SRP72: variants seen among roughly 807,000 people sequenced by gnomAD.
SRP72 encodes the protein signal recognition particle subunit SRP72.
Under a neutral mutation model 96.3 loss-of-function variants are expected in SRP72, and 49 were observed. That is an observed-to-expected ratio of 0.51 (90% CI 0.40 to 0.65). The LOEUF (loss-of-function observed/expected upper bound fraction) is 0.65. Among genes scored for constraint, SRP72 ranks in the 30% least tolerant of loss-of-function variants. The pLI, the probability that SRP72 is intolerant of heterozygous loss-of-function variation, is 0.00. For synonymous variants in SRP72, 267 were observed against 275.2 expected, an observed-to-expected ratio of 0.97 and a Z score of 0.30; for missense variants, 736 against 793.3, an observed-to-expected ratio of 0.93 and a Z score of 0.87.
Position 56,491,505 on chromosome 4 carries a change from G to A in SRP72, c.1577G>A (p.Gly526Asp). The change falls in exon 16 of 19, where the codon GGT becomes GAT. Residue 526 changes from glycine to aspartate, a missense_variant. Physicochemically the swap from Gly to Asp is moderately conservative, Grantham distance 94. Transcript: ENST00000642900. ...VDVEALENSA[G>D]ATYIRKKGGK... Reference sequence around the variant, plus strand: ...GTTGAGGCTCTTGAAAATTCTGCTGGTGCTACATACATTCGGAAGAAGGGT... The same window carrying A: ...GTTGAGGCTCTTGAAAATTCTGCTGATGCTACATACATTCGGAAGAAGGGT... 1.9e-6 allele frequency: 3 copies of A among 1,613,908 alleles called. No homozygotes were observed. Among genetic ancestry groups the A allele is most frequent in the Non-Finnish European group, 2.5e-6 (3 of 1,179,900 alleles).
intron 8 of SRP72, among the ~76,000 whole-genome samples, chr4:56,480,407 G>A (rs1035499211): frequency 3.9e-5 from 6 of 152,006 alleles, no homozygotes; most frequent in South Asian, 2.1e-4. Context: ...CTACAGTCAC[G>A]TGCCACCACA....
chr4:56,503,027 A>G lies in SRP72; in HGVS notation c.*1166A>G, dbSNP rs1266912070. 3.3e-5 allele frequency: 5 copies of G among 152,174 alleles called. No homozygotes were observed. Among genetic ancestry groups the G allele is most frequent in the African/African-American group, 4.8e-5 (2 of 41,450 alleles). The allele number at this position is 152,174 out of a possible 1,614,324, so 9.4% of individuals were successfully genotyped here. On this transcript the variant is annotated 3_prime_UTR_variant, in exon 19 of 19. Coordinates refer to ENST00000642900, the MANE Select transcript of SRP72 (RefSeq NM_006947.4). The stretch of plus-strand genomic sequence containing the variant: ...CAAGATATCATTTAATTTAGACTTA[A>G]CAAGTATTTCCTTGTGATTATATTA...
chr4:56,487,472 C>T (rs529673980), intron 11 of SRP72, among the ~76,000 whole-genome samples: 2 of 152,034 alleles, frequency 1.3e-5, no homozygotes, highest in African/African-American at 4.8e-5. Flanking sequence ...GACAATCTGT[C>T]ATGGTTTTTT....
rs546831765 is a variant in SRP72 at position 56,493,261 on chromosome 4, C to G, written c.1640+1693C>G. Among the ~76,000 whole-genome samples, 4 of 152,050 alleles carry G rather than the reference C, an allele frequency of 2.6e-5. No individual in the cohort carries two copies. In the East Asian group the frequency reaches 5.9e-4, roughly 23 times the overall value. On this transcript the variant is annotated intron_variant, in intron 16 of 18. Transcript: ENST00000642900. The stretch of plus-strand genomic sequence containing the variant: ...ATGTCGATCAGGCTGGTCTTGAACT[C>G]CTGACCTCAGGTGATCCACCCGCCT...
rs1720337714 is a variant in SRP72 at position 56,478,472 on chromosome 4, T to C, written c.736T>C (p.Leu246=). 5.0e-6 allele frequency: 8 copies of C among 1,613,924 alleles called. No homozygotes were observed. Among genetic ancestry groups the C allele is most frequent in the African/African-American group, 1.3e-5 (1 of 74,928 alleles). ...GCTTCAGGGTCGAACAGAGGAGGCTTTGCAACTTTACAATCAAATAATAAA... is the reference window on the plus strand; with the variant it reads ...GCTTCAGGGTCGAACAGAGGAGGCTCTGCAACTTTACAATCAAATAATAAA... The part of the protein sequence containing the change: ...LQLQGRTEEA[L]QLYNQIIKLK... Residue 246 remains leucine, a synonymous_variant, in exon 7 of 19, where the codon TTG becomes CTG. Coordinates refer to ENST00000642900, the MANE Select transcript of SRP72 (RefSeq NM_006947.4).
intron 11 of SRP72, among the ~76,000 whole-genome samples, chr4:56,487,667 TGGGAG>T (rs1462643120): frequency 6.6e-6 from 1 of 152,158 alleles, no homozygotes; most frequent in Non-Finnish European, 1.5e-5. Flanking sequence ...CTCAACAGAC[TGGGAG>T]CTGGGAGACT....
intron 16 of SRP72, among the ~76,000 whole-genome samples, chr4:56,494,780 TTAA>T (rs1451342159): frequency 6.6e-6 from 1 of 152,102 alleles, no homozygotes; most frequent in Non-Finnish European, 1.5e-5. Context: ...GTCAATGTAC[TTAA>T]TATAGATTTT....
At chr4:56,471,907 GGA>G in intron 3 of SRP72, 64 bp downstream of exon 3, 1 of 1,583,410 alleles carries the variant, frequency 6.3e-7, no homozygotes, top group Admixed American at 1.8e-5. Flanking sequence ...CCTCTAGCAA[GGA>G]GCAGGGTTGA....
At chr4:56,499,515 C>T (rs191038949) in intron 17 of SRP72, among the ~76,000 whole-genome samples, 1 of 152,096 alleles carries the variant, frequency 6.6e-6, no homozygotes, top group African/African-American at 2.4e-5. Context: ...CAAAGAACTT[C>T]AACAAATTTA....
In SRP72 at chr4:56,474,231, G is replaced by A. The variant is rs748086380; in HGVS notation, c.498+34G>A. The stretch of plus-strand genomic sequence containing the variant: ...CCTTGTGGTGTACCCATACAGTCAT[G>A]AATTATTATTCATATTTAGTATTTA... On this transcript the variant is annotated intron_variant, in intron 4 of 18. Coordinates refer to ENST00000642900, the MANE Select transcript of SRP72 (RefSeq NM_006947.4). 3.1e-6 allele frequency: 5 copies of A among 1,613,416 alleles called. No individual in the cohort carries two copies. The South Asian group carries it at 5.5e-5, about 18-fold the overall frequency.
chr4:56,479,594 A>G (rs1170931236), intron 8 of SRP72, among the ~76,000 whole-genome samples: 3 of 147,770 alleles, frequency 2.0e-5, no homozygotes, highest in African/African-American at 7.5e-5. Context: ...ATAGCCCCAG[A>G]CAGTCCTCCC....
intron 9 of SRP72, 65 bp from the exon 10 acceptor site, chr4:56,484,671 T>A: frequency 6.3e-7 from 1 of 1,590,886 alleles, no homozygotes; most frequent in Non-Finnish European, 8.6e-7. Context: ...CTTTTCTTTC[T>A]GGTCATTTAG....
intron 8 of SRP72, among the ~76,000 whole-genome samples, chr4:56,481,241 G>T (rs1720472433): frequency 6.6e-6 from 1 of 151,966 alleles, no homozygotes; most frequent in South Asian, 2.1e-4. Flanking sequence ...GATTTTTTTC[G>T]CTTCCTTTTT....
intron 16 of SRP72, chr4:56,491,788 T>A (rs772379776): frequency 2.2e-5 from 9 of 403,844 alleles, no homozygotes; most frequent in Non-Finnish European, 3.9e-5. Context: ...TCCAGAAGTT[T>A]TTCTTTGTGT....
intron 16 of SRP72, among the ~76,000 whole-genome samples, chr4:56,494,970 A>G (rs1721026893): frequency 6.6e-6 from 1 of 152,204 alleles, no homozygotes; most frequent in South Asian, 2.1e-4. Flanking sequence ...TTACCTACAC[A>G]TGTTCTTCTG....
rs1453215235 is a variant in SRP72 at position 56,502,804 on chromosome 4, T to TA, written c.*944dup. On this transcript the variant is annotated 3_prime_UTR_variant, in exon 19 of 19. Transcript: ENST00000642900. ...CAGGTCTGTTTGGCCCATTGATAGA[T>TA]ACTCAAATGGTGTCTCCTTCTGGTT... 1 of 152,178 alleles carries TA rather than the reference T, an allele frequency of 6.6e-6. No homozygotes were observed. The highest frequency in any genetic ancestry group is 2.4e-5 in the African/African-American group (1 of 41,446). The allele number at this position is 152,178 out of a possible 1,614,324, so 9.4% of individuals were successfully genotyped here. A position where few individuals can be genotyped will look rare whatever the true frequency, so the allele number is the denominator to read the frequency against.
chr4:56,469,899 C>T (rs1719901107), intron 2 of SRP72, 126 bp downstream of exon 2: 4 of 887,696 alleles, frequency 4.5e-6, no homozygotes, highest in Non-Finnish European at 6.4e-6. Context: ...TTTTTTTCCC[C>T]CCTTTTGCTT....
chr4:56,500,513 A>G (rs1223184259), intron 17 of SRP72, 23 bp from the exon 18 acceptor site: 1 of 1,607,310 alleles, frequency 6.2e-7, no homozygotes, highest in Non-Finnish European at 8.5e-7. Context: ...CACATCTCTC[A>G]TTTCTTTATA....
intron 3 of SRP72, 46 bp downstream of exon 3, chr4:56,471,889 C>G (rs1458380952): frequency 6.2e-7 from 1 of 1,605,902 alleles, no homozygotes; most frequent in Non-Finnish European, 8.5e-7. Flanking sequence ...ACTGAGTGAG[C>G]ATGACTACCT....
Sources: gnomAD v4.1 joint callset for allele counts (sites outside exome capture counted in the v4.1 genomes callset) on GRCh38, gnomAD v4.1.1 for gene constraint, MANE v1.5 for transcripts, NCBI Gene and HGNC (gene_info 2026-07-23, HGNC 2026-07-21) for gene names.